The following BCOR variants were observed in gnomAD, a reference collection of about 807,000 sequenced individuals.
BCOR encodes BCL6 corepressor, also known as BCL-6 corepressor.
A neutral mutation model predicts 86.7 loss-of-function variants in BCOR; 10 were observed. The observed-to-expected ratio is 0.12, with a 90% CI of 0.07 to 0.20. The LOEUF (loss-of-function observed/expected upper bound fraction) is 0.20. Ranked by LOEUF, BCOR falls within the 10% of genes least tolerant of loss-of-function variation. The pLI, the probability that BCOR is intolerant of heterozygous loss-of-function variation, is 1.00. For synonymous variants in BCOR, 611 were observed against 609.0 expected (o/e 1.00, Z -0.05); for missense variants, 1,259 against 1,452.1 (o/e 0.87, Z 2.16).
chrX:40,060,882 C>T (rs1208628276), intron 10 of BCOR, among the ~76,000 whole-genome samples: 3 of 112,882 alleles, frequency 2.7e-5, no homozygotes. Flanking sequence ...AAGGACCATC[C>T]CACAGGTGTG....
intron 3 of BCOR, 138 bp from the exon 4 acceptor site, chrX:40,075,318 C>CGGGGGG: frequency 4.4e-5 from 4 of 91,278 alleles, no homozygotes; most frequent in South Asian, 1.0e-4. Context: ...TCCGGCGGGG[C>CGGGGGG]GGGGGTGGGG....
intron 1 of BCOR, among the ~76,000 whole-genome samples, chrX:40,106,079 G>C (rs1426327979): frequency 9.0e-6 from 1 of 111,682 alleles, no homozygotes; most frequent in Non-Finnish European, 1.9e-5. Flanking sequence ...TGCGGGGCTC[G>C]GACTTTGCCA....
intron 1 of BCOR, among the ~76,000 whole-genome samples, chrX:40,176,576 C>T (rs1240416132): frequency 8.9e-6 from 1 of 112,827 alleles, no homozygotes; most frequent in African/African-American, 3.2e-5. Context: ...AGCCCGCTTC[C>T]GTGTCCCTGC....
At chrX:40,062,018 C>G in intron 10 of BCOR, 121 bp downstream of exon 10, 1 of 922,541 alleles carries the variant, frequency 1.1e-6, no homozygotes, top group African/African-American at 1.9e-5. Context: ...GTTGGAGCAC[C>G]GGCCCAGCCC....
chrX:40,063,145 G>T, intron 8 of BCOR, 74 bp from the exon 9 acceptor site: 1 of 798,781 alleles, frequency 1.3e-6, no homozygotes, highest in Non-Finnish European at 1.8e-6. Context: ...CACAGTTGTA[G>T]CCAGTGCAGG....
Position 40,052,319 on chromosome X carries a change from G to T in BCOR, c.5058C>A (p.Asn1686Lys). 2 of 1,211,544 alleles carry T rather than the reference G, an allele frequency of 1.7e-6. No individual in the cohort carries two copies. The highest frequency in any genetic ancestry group is 2.2e-6 in the Non-Finnish European group (2 of 895,148). ...CCTCTGCAATGGTGACAATTTCCACGTTTGGAAAATTGCAGCGAAATATGC... is the reference window on the plus strand; with the variant it reads ...CCTCTGCAATGGTGACAATTTCCACTTTTGGAAAATTGCAGCGAAATATGC... ...SSRIFRCNFPNVEIVTIAEAE... is the reference protein window; with the variant it reads ...SSRIFRCNFPKVEIVTIAEAE... Residue 1686 changes from asparagine to lysine, a missense_variant, in exon 15 of 15, where the codon AAC becomes AAA. Physicochemically the swap from Asn to Lys is moderately conservative, Grantham distance 94. Around this residue, in one of 7 missense-constraint regions of BCOR, gnomAD observed 137 missense variants for 149.8 expected, o/e 0.91. Coordinates refer to ENST00000378444, the MANE Select transcript of BCOR (RefSeq NM_001123385.2).
intron 1 of BCOR, among the ~76,000 whole-genome samples, chrX:40,126,214 CAA>C (rs753237058): frequency 2.8e-4 from 10 of 35,107 alleles, no homozygotes; most frequent in Admixed American, 1.1e-3. Flanking sequence ...GACTCCGTCT[CAA>C]AAAAAAAAAA....
intron 1 of BCOR, among the ~76,000 whole-genome samples, chrX:40,088,191 G>A (rs1936442401): frequency 8.9e-6 from 1 of 112,112 alleles, no homozygotes; most frequent in Non-Finnish European, 1.9e-5. Flanking sequence ...CCCACTCCAG[G>A]AGGGCCCCTA....
At chrX:40,070,534 C>A (rs1054131059) in intron 6 of BCOR, among the ~76,000 whole-genome samples, 1 of 111,764 alleles carries the variant, frequency 8.9e-6, no homozygotes, top group African/African-American at 3.3e-5. Context: ...CCCCACCCCC[C>A]ACGGTAAATC....
chrX:40,127,410 C>T (rs772013320), intron 1 of BCOR, among the ~76,000 whole-genome samples: 1 of 112,427 alleles, frequency 8.9e-6, no homozygotes, highest in African/African-American at 3.2e-5. Flanking sequence ...TGAGTAAACC[C>T]AGATGTAACC....
rs753606361 is a variant in BCOR, at chrX:40,053,926, G to C, written c.4936C>G (p.Leu1646Val). Residue 1646 changes from leucine (L) to valine (V), a missense_variant, in exon 14 of 15, where the codon CTC (leucine) becomes GTC (valine). Physicochemically the swap from Leu to Val is conservative, Grantham distance 32. This residue lies in a region of BCOR where 137 missense variants were observed against 149.8 expected (regional missense o/e 0.91). Transcript: ENST00000378444. ...VFEFEFSETPLLPCYNIQVSV... is the reference protein window; with the variant it reads ...VFEFEFSETPVLPCYNIQVSV... ...ACTTGGATGTTATAACACGGTAAGA[G>C]GGGGGTCTCTGAAAATTCAAATTCA... The C allele has an allele frequency of 1.7e-6, 2 of 1,211,045 alleles. No homozygotes were observed. Among genetic ancestry groups the C allele is most frequent in the East Asian group, 5.9e-5 (2 of 33,858 alleles).
chrX:40,069,462 G>A (rs1426764247), intron 6 of BCOR, among the ~76,000 whole-genome samples: 2 of 112,203 alleles, frequency 1.8e-5, no homozygotes, highest in African/African-American at 3.2e-5. Flanking sequence ...TGGCCACACC[G>A]AGTTACTCAG....
intron 1 of BCOR, among the ~76,000 whole-genome samples, chrX:40,080,993 A>ACG (rs1936081457): frequency 9.0e-6 from 1 of 110,584 alleles, no homozygotes; most frequent in Non-Finnish European, 1.9e-5. Context: ...ACACGCGCAC[A>ACG]CACACACACA....
intron 1 of BCOR, among the ~76,000 whole-genome samples, chrX:40,155,067 G>A (rs1938259797): frequency 9.0e-6 from 1 of 111,093 alleles, no homozygotes; most frequent in Admixed American, 9.4e-5. Flanking sequence ...CGGGAGGGGA[G>A]GGGGTCGGGG....
intron 1 of BCOR, among the ~76,000 whole-genome samples, chrX:40,085,656 G>A (rs757139905): frequency 8.9e-6 from 1 of 112,014 alleles, no homozygotes; most frequent in African/African-American, 3.2e-5. Flanking sequence ...TACACCCAGA[G>A]ACCAAAGTCA....
chrX:40,105,878 A>C (rs1011248790), intron 1 of BCOR, among the ~76,000 whole-genome samples: 3 of 112,639 alleles, frequency 2.7e-5, no homozygotes, highest in African/African-American at 9.7e-5. Context: ...TTCTGGCCTG[A>C]AGAGGTCGTT....
At position 40,051,844 on chromosome X, in the gene BCOR, G is replaced by T; in HGVS notation, c.*265C>A. The T allele has an allele frequency of 3.6e-6, 1 of 274,349 alleles. No individual in the cohort carries two copies. The highest frequency in any genetic ancestry group is 6.4e-6 in the Non-Finnish European group (1 of 155,624). The allele number at this position is 274,349 out of a possible 1,213,427, so 22.6% of individuals were successfully genotyped here. On this transcript the variant is annotated 3_prime_UTR_variant, in exon 15 of 15. Coordinates refer to ENST00000378444, the MANE Select transcript of BCOR (RefSeq NM_001123385.2). ...TCCTTAAAAAAGAAAAGAAACAAATGTTCCAAGTAAAAACAAACGTATCCC... is the reference window on the plus strand; with the variant it reads ...TCCTTAAAAAAGAAAAGAAACAAATTTTCCAAGTAAAAACAAACGTATCCC...
At chrX:40,111,755 C>T (rs889217930) in intron 1 of BCOR, among the ~76,000 whole-genome samples, 3 of 111,671 alleles carry the variant, frequency 2.7e-5, no homozygotes, top group African/African-American at 9.8e-5. Flanking sequence ...AGGGGAGTGC[C>T]CCCTTCCCCC....
intron 1 of BCOR, among the ~76,000 whole-genome samples, chrX:40,174,869 G>A (rs1016115223): frequency 1.8e-5 from 2 of 112,987 alleles, no homozygotes; most frequent in African/African-American, 6.4e-5. Context: ...TTGATTCAAC[G>A]TGTATTAGAT....
Sources: gnomAD v4.1 joint callset for allele counts (sites outside exome capture counted in the v4.1 genomes callset) on GRCh38, gnomAD v4.1.1 for gene constraint, gnomAD v4.1.1 regional missense constraint, MANE v1.5 for transcripts, NCBI Gene and HGNC (gene_info 2026-07-23, HGNC 2026-07-21) for gene names.